Variants in SLC24A2 observed in about 807,000 individuals in gnomAD.
The protein encoded by SLC24A2 is sodium/potassium/calcium exchanger 2.
Under a neutral mutation model 62.0 loss-of-function variants are expected in SLC24A2, and 36 were observed. The observed-to-expected ratio is 0.58, with a 90% CI of 0.44 to 0.77. The LOEUF (loss-of-function observed/expected upper bound fraction) is 0.77. Among genes scored for constraint, SLC24A2 ranks in the 30% least tolerant of loss-of-function variants. The pLI is 0.00. For synonymous variants in SLC24A2, 358 were observed against 294.0 expected, an observed-to-expected ratio of 1.22 and a Z score of -2.23; for missense variants, 846 against 817.9, an observed-to-expected ratio of 1.03 and a Z score of -0.42.
the SLC24A2 span, among the ~76,000 whole-genome samples, chr9:19,934,607 G>A: frequency 6.6e-6 from 1 of 152,214 alleles, no homozygotes; most frequent in Admixed American, 6.5e-5. This position sits in a 1 kb window ranked among gnomAD's most constrained non-coding sequence, Gnocchi z 4.1. Flanking sequence ...GGCCAAACAG[G>A]CAGCCAGCAC....
At chr9:19,681,214 C>A (rs1819713221) in intron 2 of SLC24A2, among the ~76,000 whole-genome samples, 1 of 152,016 alleles carries the variant, frequency 6.6e-6, no homozygotes, top group Non-Finnish European at 1.5e-5. Context: ...AGAAAGGTAT[C>A]CATTATTCTC....
chr9:19,630,783 T>C (rs1288335048), intron 2 of SLC24A2, among the ~76,000 whole-genome samples: 1 of 152,166 alleles, frequency 6.6e-6, no homozygotes, highest in Non-Finnish European at 1.5e-5. Context: ...AATGCAAATC[T>C]AAGTAAACTT....
chr9:20,019,155 A>G, the SLC24A2 span, among the ~76,000 whole-genome samples: 62,765 of 116,278 alleles, frequency 0.54, 18,177 homozygotes, highest in Admixed American at 0.68. Context: ...GAAAGAAAGA[A>G]AGAGAGAGAG....
chr9:19,627,438 G>A (rs751079133), intron 2 of SLC24A2, among the ~76,000 whole-genome samples: 1 of 152,168 alleles, frequency 6.6e-6, no homozygotes, highest in Non-Finnish European at 1.5e-5. Flanking sequence ...ACTCAGTAAG[G>A]CAAGGGGGCC....
the SLC24A2 span, among the ~76,000 whole-genome samples, chr9:19,825,965 A>AATTACCTCC: frequency 2.0e-5 from 3 of 152,138 alleles, no homozygotes; most frequent in African/African-American, 7.2e-5. Flanking sequence ...TTGAGGTGTG[A>AATTACCTCC]ATTACCTCCA....
chr9:19,771,836 G>C (rs770707220), intron 2 of SLC24A2, among the ~76,000 whole-genome samples: 5 of 152,152 alleles, frequency 3.3e-5, no homozygotes, highest in South Asian at 2.1e-4. Context: ...CGTATATATG[G>C]AGCTTCATAC....
chr9:19,940,993 C>T, the SLC24A2 span, among the ~76,000 whole-genome samples: 1 of 152,276 alleles, frequency 6.6e-6, no homozygotes, highest in East Asian at 1.9e-4. Flanking sequence ...TGGTCAATAA[C>T]GCAGGCCACA....
intron 8 of SLC24A2, among the ~76,000 whole-genome samples, chr9:19,547,826 G>T (rs985218988): frequency 6.6e-6 from 1 of 150,656 alleles, no homozygotes; most frequent in South Asian, 2.1e-4. Context: ...AGCAGAGCAA[G>T]AGAGAGAGAG....
intron 4 of SLC24A2, among the ~76,000 whole-genome samples, chr9:19,608,529 C>T (rs1587029428): frequency 6.6e-6 from 1 of 152,238 alleles, no homozygotes; most frequent in East Asian, 1.9e-4. Flanking sequence ...GTGAAGTCTC[C>T]AGGCTCAGAA....
intron 2 of SLC24A2, among the ~76,000 whole-genome samples, chr9:19,708,112 C>T (rs1397145708): frequency 2.0e-5 from 3 of 152,064 alleles, no homozygotes; most frequent in Non-Finnish European, 4.4e-5. Context: ...ATACCAATAA[C>T]AGACAAACAG....
the SLC24A2 span, among the ~76,000 whole-genome samples, chr9:20,083,626 G>C: frequency 6.6e-6 from 1 of 152,290 alleles, no homozygotes; most frequent in East Asian, 1.9e-4. Context: ...CCATTTAGTA[G>C]CATTTAGATT....
intron 2 of SLC24A2, among the ~76,000 whole-genome samples, chr9:19,624,818 T>C (rs1288235055): frequency 6.6e-6 from 1 of 152,184 alleles, no homozygotes; most frequent in Non-Finnish European, 1.5e-5. Context: ...TGATGGTAAT[T>C]GCCCATTTCC....
chr9:19,712,633 T>G (rs1179298526), intron 2 of SLC24A2, among the ~76,000 whole-genome samples: 1 of 152,162 alleles, frequency 6.6e-6, no homozygotes, highest in East Asian at 1.9e-4. Context: ...TAGCTGCTTG[T>G]CACTGTGCTC....
At chr9:19,850,022 C>CTTT in the SLC24A2 span, among the ~76,000 whole-genome samples, 3 of 144,660 alleles carry the variant, frequency 2.1e-5, no homozygotes, top group South Asian at 2.2e-4. Flanking sequence ...ATAAAAACTG[C>CTTT]TTTTTTTTTT....
the SLC24A2 span, among the ~76,000 whole-genome samples, chr9:20,241,469 C>T: frequency 2.0e-5 from 3 of 152,058 alleles, no homozygotes; most frequent in East Asian, 5.8e-4. Context: ...GATTTTAATC[C>T]CTCTATGCCT....
At chr9:19,713,393 C>G (rs970238513) in intron 2 of SLC24A2, among the ~76,000 whole-genome samples, 6 of 152,116 alleles carry the variant, frequency 3.9e-5, no homozygotes, top group Non-Finnish European at 8.8e-5. Flanking sequence ...AGCACATTTT[C>G]TAATAATGGG....
the SLC24A2 span, among the ~76,000 whole-genome samples, chr9:19,940,445 T>C: frequency 6.6e-6 from 1 of 152,174 alleles, no homozygotes; most frequent in Non-Finnish European, 1.5e-5. Context: ...TCTGTGACCT[T>C]AGGTAAATTG....
At chr9:19,989,049 T>C in the SLC24A2 span, among the ~76,000 whole-genome samples, 1 of 152,184 alleles carries the variant, frequency 6.6e-6, no homozygotes, top group Non-Finnish European at 1.5e-5. Flanking sequence ...TTTGCTGGCA[T>C]ACCAACATTG....
At chr9:19,665,632 T>A (rs1480660244) in intron 2 of SLC24A2, among the ~76,000 whole-genome samples, 1 of 152,016 alleles carries the variant, frequency 6.6e-6, no homozygotes, top group Non-Finnish European at 1.5e-5. Flanking sequence ...TCCTTATTTG[T>A]TGTTGTTGTT....
Sources: allele counts gnomAD v4.1 joint callset (sites outside exome capture counted in the v4.1 genomes callset), GRCh38; gene constraint gnomAD v4.1.1; non-coding constraint Gnocchi (gnomAD v3.1); transcripts MANE v1.5; gene names NCBI Gene and HGNC (gene_info 2026-07-23, HGNC 2026-07-21).